Variants in RBFOX1 observed in about 807,000 individuals in gnomAD.
RBFOX1 encodes RNA binding fox-1 homolog 1.
RBFOX1 carries 8 observed loss-of-function variants against 57.7 expected under a neutral mutation model. That is an observed-to-expected ratio of 0.14 (90% CI 0.08 to 0.25). The LOEUF (loss-of-function observed/expected upper bound fraction) is 0.25. Among genes scored for constraint, RBFOX1 ranks in the 10% least tolerant of loss-of-function variants. The pLI, the probability that RBFOX1 is intolerant of heterozygous loss-of-function variation, is 1.00. For missense variants in RBFOX1, 611 were observed against 548.5 expected (o/e 1.11, Z -1.14); for synonymous variants, 326 against 222.4 (o/e 1.47, Z -4.15).
intron 2 of RBFOX1, among the ~76,000 whole-genome samples, chr16:5,532,376 G>A (rs58583421): frequency 2.0e-5 from 3 of 152,172 alleles, no homozygotes. Context: ...TCAATGTGTA[G>A]AATACGGCAT....
At chr16:6,191,579 C>T (rs888091411) in intron 1 of RBFOX1, among the ~76,000 whole-genome samples, 2 of 151,924 alleles carry the variant, frequency 1.3e-5, no homozygotes, top group African/African-American at 2.4e-5. Context: ...AAGTTAGCAC[C>T]GTATAGAGAA....
At chr16:6,608,671 G>A (rs754500013) in intron 2 of RBFOX1, among the ~76,000 whole-genome samples, 1 of 152,216 alleles carries the variant, frequency 6.6e-6, no homozygotes, top group Admixed American at 6.5e-5. Flanking sequence ...TCTCAGGAGG[G>A]TGAGGTAGAA....
At chr16:6,811,702 C>T (rs1166074295) in intron 3 of RBFOX1, among the ~76,000 whole-genome samples, 3 of 152,036 alleles carry the variant, frequency 2.0e-5, no homozygotes, top group African/African-American at 7.2e-5. Context: ...CTAGCCTGGC[C>T]AATATGGTGA....
chr16:6,828,985 A>G (rs1007743991), intron 3 of RBFOX1, among the ~76,000 whole-genome samples: 2 of 149,338 alleles, frequency 1.3e-5, no homozygotes, highest in Non-Finnish European at 3.0e-5. Context: ...GTTGTTATAA[A>G]TCTCTGTACT....
At chr16:5,770,008 G>A (rs978984794) in intron 3 of RBFOX1, among the ~76,000 whole-genome samples, 10 of 152,192 alleles carry the variant, frequency 6.6e-5, no homozygotes, top group African/African-American at 2.4e-4. Context: ...TACAGAGGGT[G>A]GAGGCAGATA....
chr16:7,691,329 G>A (rs112387198), intron 14 of RBFOX1, among the ~76,000 whole-genome samples: 1 of 150,750 alleles, frequency 6.6e-6, no homozygotes, highest in Non-Finnish European at 1.5e-5. Flanking sequence ...GAAGAGACCA[G>A]GGGTAAAAAA....
chr16:6,893,147 G>A (rs1003962276), intron 3 of RBFOX1, among the ~76,000 whole-genome samples: 3 of 152,072 alleles, frequency 2.0e-5, no homozygotes, highest in Non-Finnish European at 4.4e-5. Flanking sequence ...AATTGCCATT[G>A]AAACAGCTCT....
chr16:7,567,151 C>CTA (rs34792926), intron 5 of RBFOX1, among the ~76,000 whole-genome samples: 20,357 of 58,582 alleles, frequency 0.35, 5,465 homozygotes, highest in Non-Finnish European at 0.44. Context: ...ATATATATCC[C>CTA]TATATATATA....
chr16:5,939,396 A>C (rs2059236433), intron 4 of RBFOX1, among the ~76,000 whole-genome samples: 1 of 152,240 alleles, frequency 6.6e-6, no homozygotes, highest in Non-Finnish European at 1.5e-5. Context: ...ATGAGTTTGC[A>C]GTCATCTGAA....
intron 4 of RBFOX1, among the ~76,000 whole-genome samples, chr16:7,290,102 A>G (rs182753217): frequency 3.0e-3 from 462 of 152,358 alleles, no homozygotes; most frequent in Non-Finnish European, 5.6e-3. Context: ...ACACCGGTAG[A>G]AACCATTTTA....
At chr16:5,466,515 C>T (rs961933629) in intron 1 of RBFOX1, among the ~76,000 whole-genome samples, 2 of 152,192 alleles carry the variant, frequency 1.3e-5, no homozygotes, top group African/African-American at 4.8e-5. Context: ...AGGTCTTCCT[C>T]AAGGCAGCTA....
intron 4 of RBFOX1, among the ~76,000 whole-genome samples, chr16:7,365,884 C>G (rs1873971460): frequency 6.6e-6 from 1 of 152,196 alleles, no homozygotes; most frequent in Non-Finnish European, 1.5e-5. Context: ...CTAAGACTCT[C>G]CTTCTTTGTC....
chr16:6,339,806 G>T (rs1222651432), intron 2 of RBFOX1, among the ~76,000 whole-genome samples: 1 of 151,970 alleles, frequency 6.6e-6, no homozygotes, highest in South Asian at 2.1e-4. Context: ...GAGTAGCTGG[G>T]ATTACAGGTG....
intron 1 of RBFOX1, among the ~76,000 whole-genome samples, chr16:5,371,854 C>A (rs1455071998): frequency 1.3e-5 from 2 of 152,218 alleles, no homozygotes; most frequent in African/African-American, 2.4e-5. Context: ...TGTGTTTAAT[C>A]CATGGTTACT....
rs113430942 is a variant in RBFOX1 at position 7,555,858 on chromosome 16, G to A, written c.271-23919G>A. On this transcript the variant is annotated intron_variant, in intron 5 of 15. Transcript: ENST00000550418. ...TCCTCCTGCTCAGTATTTATCTCAT[G>A]GTGCCTATGCTTCCAACATGCTCTG... Among the ~76,000 whole-genome samples, 1,237 of 152,178 alleles carry A rather than the reference G, an allele frequency of 8.1e-3. 17 individuals are homozygous for A. Among genetic ancestry groups the A allele is most frequent in the African/African-American group, 0.029 (1,189 of 41,508 alleles).
chr16:7,490,323 T>A (rs945080278), intron 4 of RBFOX1, among the ~76,000 whole-genome samples: 3 of 152,198 alleles, frequency 2.0e-5, no homozygotes, highest in African/African-American at 4.8e-5. Context: ...TCTGCTAGAC[T>A]AGGGGAGGCT....
intron 4 of RBFOX1, among the ~76,000 whole-genome samples, chr16:7,336,483 C>G (rs934624819): frequency 1.2e-4 from 19 of 152,328 alleles, no homozygotes; most frequent in Admixed American, 6.5e-4. Flanking sequence ...GCCATATTCA[C>G]CTCATCATGC....
chr16:6,194,161 C>G (rs2097165032), intron 1 of RBFOX1, among the ~76,000 whole-genome samples: 1 of 152,122 alleles, frequency 6.6e-6, no homozygotes, highest in South Asian at 2.1e-4. Flanking sequence ...GCCCTCAGGT[C>G]CTCAGTTTAG....
At chr16:6,968,265 C>T (rs1184075176) in intron 3 of RBFOX1, among the ~76,000 whole-genome samples, 1 of 152,230 alleles carries the variant, frequency 6.6e-6, no homozygotes. Context: ...CCCAGGCAAG[C>T]TGTCACTTGG....
Sources: gnomAD v4.1 joint callset for allele counts (sites outside exome capture counted in the v4.1 genomes callset) on GRCh38, gnomAD v4.1.1 for gene constraint, MANE v1.5 for transcripts, NCBI Gene and HGNC (gene_info 2026-07-23, HGNC 2026-07-21) for gene names.